The following KIF26B variants were observed in gnomAD, a reference collection of about 807,000 sequenced individuals.
The protein encoded by KIF26B is kinesin family member 26B, also known as kinesin-like protein KIF26B.
In KIF26B, 63 loss-of-function variants were observed where a neutral mutation model predicts 151.2. The observed-to-expected ratio is 0.42, with a 90% CI of 0.34 to 0.51. KIF26B has a LOEUF of 0.51. Ranked by LOEUF, KIF26B falls within the 20% of genes least tolerant of loss-of-function variation. KIF26B has a pLI of 0.07. For missense variants in KIF26B, 2,813 were observed against 2,913.6 expected (o/e 0.97, Z 0.79); for synonymous variants, 1,357 against 1,262.1 (o/e 1.08, Z -1.59).
At position 245,602,395 on chromosome 1, in the gene KIF26B, A is replaced by G. The variant is rs527802268; in HGVS notation, c.1351-182A>G. ...AATATTCTACCTGGTAATTATAAAT[A>G]AATCAGTTTTCCCGTGACCCACCAA... On this transcript the variant is annotated intron_variant, in intron 5 of 14. Coordinates refer to ENST00000407071, the MANE Select transcript of KIF26B (RefSeq NM_018012.4). The surrounding 1 kb of genome is among the most constrained non-coding windows in gnomAD (Gnocchi z 4.5). 3.3e-5 allele frequency among the ~76,000 whole-genome samples: 5 copies of G among 152,356 alleles called. No individual in the cohort carries two copies. The highest frequency in any genetic ancestry group is 3.3e-4 in the Admixed American group (5 of 15,306).
At chr1:245,269,610 G>T (rs535418318) in intron 2 of KIF26B, among the ~76,000 whole-genome samples, 2 of 151,716 alleles carry the variant, frequency 1.3e-5, no homozygotes, top group Non-Finnish European at 2.9e-5. Flanking sequence ...AATTATAGGC[G>T]CCTGCCACCA....
chr1:245,328,819 G>C (rs142554654), intron 2 of KIF26B, among the ~76,000 whole-genome samples: 9 of 152,196 alleles, frequency 5.9e-5, no homozygotes, highest in Non-Finnish European at 1.2e-4. Flanking sequence ...TCGAGAACTC[G>C]TGAAGACAGA....
At chr1:245,492,775 C>CTTTTAT (rs74163058) in intron 4 of KIF26B, among the ~76,000 whole-genome samples, 4,962 of 151,980 alleles carry the variant, frequency 0.033, 129 homozygotes, top group Non-Finnish European at 0.049. Context: ...GGAAATAAGT[C>CTTTTAT]TTTTATTTTT....
intron 2 of KIF26B, among the ~76,000 whole-genome samples, chr1:245,226,416 G>A (rs1558352576): frequency 6.6e-6 from 1 of 151,852 alleles, no homozygotes; most frequent in Non-Finnish European, 1.5e-5. Context: ...TTTGTGTTGG[G>A]CATCTCAGCC....
Position 245,375,865 on chromosome 1 carries a change from C to T in KIF26B, c.999+8498C>T, listed in dbSNP as rs1251193006. 6.6e-6 allele frequency among the ~76,000 whole-genome samples: 1 copy of T among 152,142 alleles called. No homozygotes were observed. The highest frequency in any genetic ancestry group is 1.9e-4 in the East Asian group (1 of 5,182). ...CAAACCCCGTTACCCTGCGGATCGG[C>T]CGGTCCATGCACAAGTCAGATTCTT... On this transcript the variant is annotated intron_variant, in intron 3 of 14. Coordinates refer to ENST00000407071, the MANE Select transcript of KIF26B (RefSeq NM_018012.4). This position sits in a 1 kb window ranked among gnomAD's most constrained non-coding sequence, Gnocchi z 4.2.
intron 4 of KIF26B, among the ~76,000 whole-genome samples, chr1:245,465,515 CG>C (rs1384969470): frequency 6.6e-6 from 1 of 152,148 alleles, no homozygotes; most frequent in Non-Finnish European, 1.5e-5. Context: ...GAAAGAGCCA[CG>C]GAGAAAGTAT....
intron 5 of KIF26B, among the ~76,000 whole-genome samples, chr1:245,573,773 G>C (rs1316210372): frequency 6.6e-6 from 1 of 152,132 alleles, no homozygotes; most frequent in Non-Finnish European, 1.5e-5. Flanking sequence ...TGAGACCTCA[G>C]AAAGTACCGA....
At chr1:245,519,909 T>G (rs1661051929) in intron 4 of KIF26B, among the ~76,000 whole-genome samples, 1 of 152,232 alleles carries the variant, frequency 6.6e-6, no homozygotes, top group Non-Finnish European at 1.5e-5. Context: ...GTTTAGCCCA[T>G]GTTTTTATTT....
intron 2 of KIF26B, among the ~76,000 whole-genome samples, chr1:245,332,042 C>T (rs1469733130): frequency 6.6e-6 from 1 of 152,154 alleles, no homozygotes; most frequent in African/African-American, 2.4e-5. Context: ...AGGAGAATCA[C>T]TTGAATGCAG....
intron 4 of KIF26B, among the ~76,000 whole-genome samples, chr1:245,527,635 G>A (rs1459084806): frequency 1.4e-5 from 2 of 144,268 alleles, no homozygotes; most frequent in African/African-American, 2.7e-5. Context: ...CCGGGTTCAT[G>A]CCATTCTCCT....
chr1:245,300,740 G>A (rs887170974), intron 2 of KIF26B, among the ~76,000 whole-genome samples: 4 of 151,334 alleles, frequency 2.6e-5, no homozygotes, highest in African/African-American at 9.7e-5. Context: ...TATTGACCAG[G>A]CTGGTCTCGA....
At chr1:245,664,443 C>CAA (rs2044191472) in intron 10 of KIF26B, among the ~76,000 whole-genome samples, 1 of 150,636 alleles carries the variant, frequency 6.6e-6, no homozygotes, top group African/African-American at 2.4e-5. Flanking sequence ...TGCTCCTTTG[C>CAA]TTTTTTTTTT....
rs1305738328 is a variant in KIF26B, at chr1:245,156,454, G to A, written c.236G>A (p.Ser79Asn). 4.6e-6 allele frequency: 7 copies of A among 1,527,000 alleles called. No homozygotes were observed. The East Asian group carries it at 1.5e-4, about 33-fold the overall frequency. The allele number at this position is 1,527,000 out of a possible 1,614,324, so 94.6% of individuals were successfully genotyped here. The change falls in exon 2 of 15, where the codon AGC becomes AAC. Residue 79 changes from serine to asparagine, a missense_variant. Coordinates refer to ENST00000407071, the MANE Select transcript of KIF26B (RefSeq NM_018012.4). ...PSPGSGTSSPSSFTGSPGPAS... is the reference protein window; with the variant it reads ...PSPGSGTSSPNSFTGSPGPAS... The stretch of plus-strand genomic sequence containing the variant: ...CCCGGCTCGGGCACCTCGTCCCCGA[G>A]CTCGTTCACCGGCTCCCCGGGACCC...
intron 10 of KIF26B, among the ~76,000 whole-genome samples, chr1:245,649,690 C>T (rs1018302680): frequency 6.6e-6 from 1 of 151,744 alleles, no homozygotes; most frequent in African/African-American, 2.4e-5. Context: ...CCACCCCCCC[C>T]AAAAAACACA....
chr1:245,579,674 CAAA>C (rs1273148417), intron 5 of KIF26B, among the ~76,000 whole-genome samples: 1 of 151,498 alleles, frequency 6.6e-6, no homozygotes, highest in African/African-American at 2.4e-5. Context: ...AACAAACAAA[CAAA>C]CAAACAAACA....
chr1:245,608,256 A>AG (rs1201779479), intron 7 of KIF26B, among the ~76,000 whole-genome samples: 1 of 152,218 alleles, frequency 6.6e-6, no homozygotes, highest in Non-Finnish European at 1.5e-5. Flanking sequence ...CCCCCCAACA[A>AG]GGGGTTCATA....
chr1:245,190,621 C>T (rs1669085471), intron 2 of KIF26B, among the ~76,000 whole-genome samples: 1 of 143,834 alleles, frequency 7.0e-6, no homozygotes. Flanking sequence ...TATAAGTTTT[C>T]CCTGAATGTT....
At chr1:245,643,213 A>C (rs993936227) in intron 9 of KIF26B, among the ~76,000 whole-genome samples, 13 of 152,138 alleles carry the variant, frequency 8.5e-5, no homozygotes, top group African/African-American at 2.9e-4. Context: ...TTTCAATTTC[A>C]TATGATTATT....
chr1:245,378,067 A>G lies in KIF26B; in HGVS notation c.999+10700A>G, dbSNP rs147148256. Among the ~76,000 whole-genome samples, 18 of 151,970 alleles carry G rather than the reference A, an allele frequency of 1.2e-4. No homozygotes were observed. In the East Asian group the frequency reaches 3.3e-3, roughly 28 times the overall value. On this transcript the variant is annotated intron_variant, in intron 3 of 14. Coordinates refer to ENST00000407071, the MANE Select transcript of KIF26B (RefSeq NM_018012.4). ...AGCCACAGACATAAATGTAAACAGCACCTCTTGGGCCACCACCTGAGAGTA... is the reference window on the plus strand; with the variant it reads ...AGCCACAGACATAAATGTAAACAGCGCCTCTTGGGCCACCACCTGAGAGTA...
Sources: gnomAD v4.1 joint callset for allele counts (sites outside exome capture counted in the v4.1 genomes callset) on GRCh38, gnomAD v4.1.1 for gene constraint, Gnocchi (gnomAD v3.1) non-coding constraint, MANE v1.5 for transcripts, NCBI Gene and HGNC (gene_info 2026-07-23, HGNC 2026-07-21) for gene names.